The following HIVEP3 variants were observed in gnomAD, a reference collection of about 807,000 sequenced individuals.
HIVEP3 encodes transcription factor HIVEP3.
HIVEP3 carries 49 observed loss-of-function variants against 152.8 expected under a neutral mutation model. The ratio of observed to expected loss-of-function variants is 0.32; its 90% CI spans 0.26 to 0.41. The LOEUF is 0.41. HIVEP3 is among the 10% of genes least tolerant of loss of function. HIVEP3 has a pLI of 1.00. For synonymous variants in HIVEP3, 1,269 were observed against 1,289.0 expected, an observed-to-expected ratio of 0.98 and a Z score of 0.33; for missense variants, 2,790 against 3,103.3, an observed-to-expected ratio of 0.90 and a Z score of 2.40.
At chr1:41,668,791 G>A (rs1645832450) in intron 2 of HIVEP3, among the ~76,000 whole-genome samples, 1 of 152,154 alleles carries the variant, frequency 6.6e-6, no homozygotes, top group Admixed American at 6.5e-5. Flanking sequence ...GTGATGTTCT[G>A]GTAATTAGCT....
intron 1 of HIVEP3, among the ~76,000 whole-genome samples, chr1:41,960,486 T>C (rs1247194791): frequency 6.6e-6 from 1 of 152,134 alleles, no homozygotes; most frequent in East Asian, 1.9e-4. Flanking sequence ...TACAGGGGAA[T>C]AAGAGTTCAA....
intron 1 of HIVEP3, among the ~76,000 whole-genome samples, chr1:41,872,135 A>G (rs1287461005): frequency 6.6e-6 from 1 of 152,220 alleles, no homozygotes; most frequent in Non-Finnish European, 1.5e-5. Flanking sequence ...ATTAAATTTA[A>G]AGGAGTTTAA....
At chr1:41,839,926 C>T (rs1643237550) in intron 1 of HIVEP3, among the ~76,000 whole-genome samples, 2 of 152,172 alleles carry the variant, frequency 1.3e-5, no homozygotes, top group African/African-American at 2.4e-5. Context: ...GCCATGGTTG[C>T]CACTAGTCCT....
At chr1:41,971,594 A>G (rs1271171367) in intron 1 of HIVEP3, among the ~76,000 whole-genome samples, 1 of 152,048 alleles carries the variant, frequency 6.6e-6, no homozygotes, top group African/African-American at 2.4e-5. Flanking sequence ...CCCAGACCCC[A>G]CCTGGCAGCC....
intron 1 of HIVEP3, among the ~76,000 whole-genome samples, chr1:41,931,139 T>G (rs1479651491): frequency 6.6e-6 from 1 of 152,146 alleles, no homozygotes; most frequent in Non-Finnish European, 1.5e-5. Context: ...TCATTAATGT[T>G]TCTTTTATTG....
rs542987944 is a variant in HIVEP3 at position 41,628,874 on chromosome 1, G to A, written c.-647C>T. ...GCGCCGCTCTTCCCACCAGAGGGGC[G>A]GGCTTGCTTGGCCAGGACCCCGCGA... On this transcript the variant is annotated 5_prime_UTR_variant, in exon 3 of 9. Coordinates refer to ENST00000372583, the MANE Select transcript of HIVEP3 (RefSeq NM_024503.5). 1.0e-4 allele frequency: 124 copies of A among 1,231,984 alleles called. No homozygotes were observed. In the East Asian group the frequency reaches 2.1e-3, roughly 21 times the overall value. 76.3% of individuals were successfully genotyped at this position (1,231,984 alleles called of 1,614,324 possible). A position where few individuals can be genotyped will look rare whatever the true frequency, so the allele number is the denominator to read the frequency against.
intron 1 of HIVEP3, among the ~76,000 whole-genome samples, chr1:41,730,696 C>T (rs55837263): frequency 0.013 from 1,919 of 152,328 alleles, 39 homozygotes; most frequent in African/African-American, 0.043. Flanking sequence ...ACAGGCCCAA[C>T]GTCAGGTGGC....
At chr1:41,526,815 A>AC (rs201065892) in intron 5 of HIVEP3, among the ~76,000 whole-genome samples, 4 of 112,518 alleles carry the variant, frequency 3.6e-5, no homozygotes, top group South Asian at 3.2e-4. Context: ...TCACACATAC[A>AC]CCCCCCCACA....
intron 1 of HIVEP3, among the ~76,000 whole-genome samples, chr1:41,713,673 C>T (rs942014528): frequency 3.3e-5 from 5 of 152,210 alleles, no homozygotes; most frequent in Non-Finnish European, 5.9e-5. Context: ...AACATCCAGC[C>T]CCCTGGATGT....
chr1:41,818,228 T>C (rs1168887280), intron 1 of HIVEP3, among the ~76,000 whole-genome samples: 3 of 152,192 alleles, frequency 2.0e-5, no homozygotes, highest in Non-Finnish European at 4.4e-5. Context: ...GACCTTCAAA[T>C]GTACTAGTAA....
chr1:41,567,859 C>G lies in HIVEP3; in HGVS notation c.5207+7685G>C, dbSNP rs560271913. On this transcript the variant is annotated intron_variant, in intron 5 of 8. Coordinates refer to ENST00000372583, the MANE Select transcript of HIVEP3 (RefSeq NM_024503.5). ...CCATCTGACTTCACCTTCCCCAGAC[C>G]AAGCCTGCCTTCAGGCTGATGGATG... Among the ~76,000 whole-genome samples, 17 of 152,380 alleles carry G rather than the reference C, an allele frequency of 1.1e-4. No individual in the cohort carries two copies. In the East Asian group the frequency reaches 3.3e-3, roughly 29 times the overall value.
intron 1 of HIVEP3, among the ~76,000 whole-genome samples, chr1:41,896,959 A>G (rs1557497614): frequency 6.6e-6 from 1 of 152,198 alleles, no homozygotes; most frequent in Non-Finnish European, 1.5e-5. Flanking sequence ...CCCTGCTGTG[A>G]CAGAGGATCC....
At chr1:41,847,288 G>A (rs1173775498) in intron 1 of HIVEP3, 1 of 152,230 alleles carries the variant, frequency 6.6e-6, no homozygotes, top group African/African-American at 2.4e-5. Context: ...AACAAAGGAT[G>A]CTGTAGCTAT....
chr1:41,692,920 T>C (rs970154521), intron 2 of HIVEP3, among the ~76,000 whole-genome samples: 2 of 152,370 alleles, frequency 1.3e-5, no homozygotes, highest in East Asian at 1.9e-4. Context: ...AACATCCTTA[T>C]TGGTAATAAT....
chr1:41,548,557 C>T (rs773110867), intron 5 of HIVEP3, among the ~76,000 whole-genome samples: 3 of 151,496 alleles, frequency 2.0e-5, no homozygotes, highest in African/African-American at 4.9e-5. Context: ...TTTTTTGAGA[C>T]CGAGTTTTGC....
At chr1:41,926,881 G>C (rs1644970894) in intron 1 of HIVEP3, among the ~76,000 whole-genome samples, 1 of 152,138 alleles carries the variant, frequency 6.6e-6, no homozygotes, top group Non-Finnish European at 1.5e-5. Context: ...GAGGGTCTTG[G>C]CATATGTATA....
Position 41,565,770 on chromosome 1 carries a change from C to T in HIVEP3, c.5207+9774G>A, listed in dbSNP as rs368884477. Among the ~76,000 whole-genome samples, 7 of 151,962 alleles carry T rather than the reference C, an allele frequency of 4.6e-5. No individual in the cohort carries two copies. In the East Asian group the frequency reaches 5.8e-4, roughly 13 times the overall value. ...TCTCAGGGGACTACCAGGGGCTGCC[C>T]GAGACCCCCCTACCCAGGAACCTAA... On this transcript the variant is annotated intron_variant, in intron 5 of 8. Coordinates refer to ENST00000372583, the MANE Select transcript of HIVEP3 (RefSeq NM_024503.5).
intron 1 of HIVEP3, among the ~76,000 whole-genome samples, chr1:41,891,439 T>C (rs955105659): frequency 6.6e-6 from 1 of 152,154 alleles, no homozygotes; most frequent in African/African-American, 2.4e-5. Context: ...GAAGTGGTGG[T>C]GTCACGGGGC....
At chr1:41,950,802 G>C (rs781218114) in intron 1 of HIVEP3, among the ~76,000 whole-genome samples, 44 of 152,272 alleles carry the variant, frequency 2.9e-4, no homozygotes, top group Non-Finnish European at 5.0e-4. Flanking sequence ...AAAACTTAAA[G>C]ACTATTGATT....
Sources: gnomAD v4.1 joint callset for allele counts (sites outside exome capture counted in the v4.1 genomes callset) on GRCh38, gnomAD v4.1.1 for gene constraint, MANE v1.5 for transcripts, NCBI Gene and HGNC (gene_info 2026-07-23, HGNC 2026-07-21) for gene names.